The following CNKSR3 variants were observed in gnomAD, a reference collection of about 807,000 sequenced individuals.
CNKSR3 encodes the protein connector enhancer of kinase suppressor of ras 3.
CNKSR3 carries 36 observed loss-of-function variants against 67.7 expected under a neutral mutation model. The observed-to-expected ratio is 0.53, with a 90% CI of 0.41 to 0.70. CNKSR3 has a LOEUF of 0.70. Among genes scored for constraint, CNKSR3 ranks in the 30% least tolerant of loss-of-function variants. The probability of loss-of-function intolerance (pLI) is 0.00; values close to 1 mark genes in which losing one functional copy is unlikely to be tolerated. For synonymous variants in CNKSR3, 281 were observed against 271.4 expected, an observed-to-expected ratio of 1.04 and a Z score of -0.35; for missense variants, 630 against 695.2, an observed-to-expected ratio of 0.91 and a Z score of 1.05.
intron 9 of CNKSR3, among the ~76,000 whole-genome samples, chr6:154,420,486 G>C (rs1351731806): frequency 1.3e-5 from 2 of 151,770 alleles, no homozygotes; most frequent in East Asian, 3.9e-4. Flanking sequence ...TCAGGAGATC[G>C]AGACCATCCC....
chr6:154,407,620 C>T (rs1784822413), intron 12 of CNKSR3, among the ~76,000 whole-genome samples: 1 of 151,990 alleles, frequency 6.6e-6, no homozygotes, highest in African/African-American at 2.4e-5. Context: ...CCCACCTCAG[C>T]CTCCCAAGTA....
At chr6:154,473,103 C>A (rs1227924550) in intron 1 of CNKSR3, among the ~76,000 whole-genome samples, 1 of 152,186 alleles carries the variant, frequency 6.6e-6, no homozygotes, top group East Asian at 1.9e-4. Flanking sequence ...CCGTGATCAC[C>A]ATGGTGCATC....
intron 6 of CNKSR3, among the ~76,000 whole-genome samples, chr6:154,430,006 T>C (rs960940902): frequency 6.6e-6 from 1 of 152,228 alleles, no homozygotes; most frequent in African/African-American, 2.4e-5. Flanking sequence ...CGCTAGGTAC[T>C]AGGAGATCAC....
intron 1 of CNKSR3, among the ~76,000 whole-genome samples, chr6:154,485,239 A>G (rs1424238760): frequency 6.6e-6 from 1 of 152,230 alleles, no homozygotes; most frequent in Admixed American, 6.5e-5. Context: ...TATCTTACAA[A>G]TATCTTTTGA....
intron 9 of CNKSR3, chr6:154,414,636 G>T: frequency 1.6e-6 from 1 of 631,534 alleles, no homozygotes; most frequent in East Asian, 3.5e-5. Context: ...ATGTATAGTG[G>T]CAAGAAGCAG....
At chr6:154,509,201 G>T (rs1457896220) in intron 1 of CNKSR3, among the ~76,000 whole-genome samples, 1 of 152,048 alleles carries the variant, frequency 6.6e-6, no homozygotes, top group South Asian at 2.1e-4. Context: ...GTACAGAAAA[G>T]GGTTGAGTAA....
At chr6:154,474,240 G>A (rs544074556) in intron 1 of CNKSR3, among the ~76,000 whole-genome samples, 5 of 151,424 alleles carry the variant, frequency 3.3e-5, no homozygotes, top group South Asian at 2.1e-4. Context: ...GTGAAACCCC[G>A]TCTCTACTAA....
intron 10 of CNKSR3, among the ~76,000 whole-genome samples, chr6:154,411,956 C>A (rs1449598424): frequency 6.6e-6 from 1 of 152,188 alleles, no homozygotes; most frequent in Non-Finnish European, 1.5e-5. Flanking sequence ...ACTACAAAAA[C>A]CAGCAAAAGT....
intron 1 of CNKSR3, among the ~76,000 whole-genome samples, chr6:154,484,570 T>G (rs1029586752): frequency 1.3e-5 from 2 of 151,570 alleles, no homozygotes; most frequent in African/African-American, 4.9e-5. Flanking sequence ...GGCATGGTGG[T>G]GCATGCCTGT....
rs1003120219 is a variant in CNKSR3 at position 154,502,069 on chromosome 6, T to C, written c.52+7994A>G. Among the ~76,000 whole-genome samples, 3 of 152,228 alleles carry C rather than the reference T, an allele frequency of 2.0e-5. No homozygotes were observed. The East Asian group carries it at 5.8e-4, about 29-fold the overall frequency. ...CACCACCAGTTAACTTGAGTTATTA[T>C]TGATCATGAATAATAAGTGGGTAAA... On this transcript the variant is annotated intron_variant, in intron 1 of 12. Coordinates refer to ENST00000607772, the MANE Select transcript of CNKSR3 (RefSeq NM_173515.4).
rs558577385 is a variant in CNKSR3 at position 154,459,132 on chromosome 6, G to A, written c.53-8874C>T. Among the ~76,000 whole-genome samples, 3 of 147,912 alleles carry A rather than the reference G, an allele frequency of 2.0e-5. No individual in the cohort carries two copies. In the Admixed American group the frequency reaches 2.1e-4, roughly 10 times the overall value. On this transcript the variant is annotated intron_variant, in intron 1 of 12. Transcript: ENST00000607772. ...AAGAAAGAAAGAGAAGAAAAAGAGA[G>A]AGAAAGAAAGAAAGAAAGAAAGGAA...
In CNKSR3 at chr6:154,389,730, C is replaced by A. The variant is rs147397735; in HGVS notation, c.*16624G>T. The A allele has an allele frequency of 6.0e-4, 92 of 152,294 alleles. No homozygotes were observed. The highest frequency in any genetic ancestry group is 2.1e-3 in the African/African-American group (87 of 41,570). The allele number at this position is 152,294 out of a possible 1,614,324, so 9.4% of individuals were successfully genotyped here. Reference sequence around the variant, plus strand: ...TAATACAAAATCAACATACAAAAATCAGTTGCGATTTCTATACATTAACAC... The same window carrying A: ...TAATACAAAATCAACATACAAAAATAAGTTGCGATTTCTATACATTAACAC... On this transcript the variant is annotated 3_prime_UTR_variant, in exon 13 of 13. Coordinates refer to ENST00000607772, the MANE Select transcript of CNKSR3 (RefSeq NM_173515.4).
chr6:154,478,069 G>A (rs1397020239), intron 1 of CNKSR3, among the ~76,000 whole-genome samples: 1 of 152,154 alleles, frequency 6.6e-6, no homozygotes, highest in African/African-American at 2.4e-5. Flanking sequence ...GGCAGGCACC[G>A]GGGCTGCAGA....
Position 154,388,795 on chromosome 6 carries a change from C to T in CNKSR3, c.*17559G>A, listed in dbSNP as rs1344409037. On this transcript the variant is annotated 3_prime_UTR_variant, in exon 13 of 13. Transcript: ENST00000607772. ...ATGAGCACCTTTTATCCTCTGGGAGCCTCCCATTTCCTCTCATTGATGAGA... is the reference window on the plus strand; with the variant it reads ...ATGAGCACCTTTTATCCTCTGGGAGTCTCCCATTTCCTCTCATTGATGAGA... The T allele has an allele frequency of 6.6e-6, 1 of 152,070 alleles. No homozygotes were observed. The highest frequency in any genetic ancestry group is 6.6e-5 in the Admixed American group (1 of 15,266). 9.4% of individuals were successfully genotyped at this position (152,070 alleles called of 1,614,324 possible). A position where few individuals can be genotyped will look rare whatever the true frequency, so the allele number is the denominator to read the frequency against.
rs61444863 is a variant in CNKSR3 at position 154,459,848 on chromosome 6, G to A, written c.53-9590C>T. Among the ~76,000 whole-genome samples, 1,380 of 152,364 alleles carry A rather than the reference G, an allele frequency of 9.1e-3. 21 individuals carry two copies. Among genetic ancestry groups the A allele is most frequent in the African/African-American group, 0.032 (1,325 of 41,586 alleles). On this transcript the variant is annotated intron_variant, in intron 1 of 12. Coordinates refer to ENST00000607772, the MANE Select transcript of CNKSR3 (RefSeq NM_173515.4). ...GGAATACCTTAGCTCAAGGATTCAA[G>A]TTAACCAGAAAACAACAGTCAGACG... is the stretch of plus-strand genomic sequence containing the variant.
At chr6:154,409,897 A>AAAAAAAAAAT (rs1784873185) in intron 12 of CNKSR3, among the ~76,000 whole-genome samples, 1 of 151,028 alleles carries the variant, frequency 6.6e-6, no homozygotes, top group South Asian at 2.1e-4. Flanking sequence ...AAAAAAAAAA[A>AAAAAAAAAAT]TTAGCCAGCC....
chr6:154,451,419 A>G (rs947041810), intron 1 of CNKSR3, among the ~76,000 whole-genome samples: 1 of 152,266 alleles, frequency 6.6e-6, no homozygotes, highest in African/African-American at 2.4e-5. Context: ...TGAACACTCA[A>G]TTTAACGGGA....
chr6:154,495,533 C>A (rs1275819476), intron 1 of CNKSR3, among the ~76,000 whole-genome samples: 1 of 147,908 alleles, frequency 6.8e-6, no homozygotes, highest in Non-Finnish European at 1.5e-5. Flanking sequence ...CACACCCACT[C>A]ATTTTAACAT....
In CNKSR3 at chr6:154,465,885, G is replaced by A. The variant is rs940186733; in HGVS notation, c.53-15627C>T. On this transcript the variant is annotated intron_variant, in intron 1 of 12. Coordinates refer to ENST00000607772, the MANE Select transcript of CNKSR3 (RefSeq NM_173515.4). ...TAACACTCAAAAATACAGGTGAGGG[G>A]GATTCTGTATATTCTTTCTAGGAAA... 3.9e-5 allele frequency among the ~76,000 whole-genome samples: 6 copies of A among 152,170 alleles called. No individual in the cohort carries two copies. The East Asian group carries it at 7.7e-4, about 20-fold the overall frequency.
Sources: gnomAD v4.1 joint callset for allele counts (sites outside exome capture counted in the v4.1 genomes callset) on GRCh38, gnomAD v4.1.1 for gene constraint, MANE v1.5 for transcripts, NCBI Gene and HGNC (gene_info 2026-07-23, HGNC 2026-07-21) for gene names.